Variants in ROBO1 observed in about 807,000 individuals in gnomAD.
ROBO1 encodes roundabout homolog 1.
Under a neutral mutation model 195.9 loss-of-function variants are expected in ROBO1, and 149 were observed. That is an observed-to-expected ratio of 0.76 (90% confidence interval 0.67 to 0.87). The LOEUF is 0.87. ROBO1 is among the 40% of genes least tolerant of loss of function. ROBO1 has a pLI of 0.00. For missense variants in ROBO1, 1,933 were observed against 2,068.3 expected, an observed-to-expected ratio of 0.93 and a Z score of 1.27; for synonymous variants, 816 against 733.2, an observed-to-expected ratio of 1.11 and a Z score of -1.82.
chr3:79,660,619 G>A (rs1382043451), intron 1 of ROBO1, among the ~76,000 whole-genome samples: 1 of 152,092 alleles, frequency 6.6e-6, no homozygotes, highest in African/African-American at 2.4e-5. Context: ...TGTTAAGAGA[G>A]TAGCTGATAA....
intron 2 of ROBO1, among the ~76,000 whole-genome samples, chr3:79,529,762 G>A (rs1941574841): frequency 6.6e-6 from 1 of 152,186 alleles, no homozygotes; most frequent in East Asian, 1.9e-4. Context: ...AAGATATACA[G>A]AGGGGACTAC....
chr3:78,699,376 C>T (rs1251043758), intron 8 of ROBO1, among the ~76,000 whole-genome samples: 2 of 144,300 alleles, frequency 1.4e-5, no homozygotes, highest in Admixed American at 1.4e-4. Flanking sequence ...ATGGGGAAAC[C>T]CCGTCTCTAC....
intron 2 of ROBO1, among the ~76,000 whole-genome samples, chr3:79,349,985 T>C (rs2035277190): frequency 6.6e-6 from 1 of 152,042 alleles, no homozygotes; most frequent in Non-Finnish European, 1.5e-5. Flanking sequence ...AAAGACACTA[T>C]TAAGAAAGTG....
intron 3 of ROBO1, among the ~76,000 whole-genome samples, chr3:78,940,031 T>C (rs2040048334): frequency 6.6e-6 from 1 of 152,304 alleles, no homozygotes. Flanking sequence ...TCCTATCTTA[T>C]TTCTGCTTAT....
At chr3:79,325,751 T>C (rs1203859756) in intron 2 of ROBO1, among the ~76,000 whole-genome samples, 1 of 152,130 alleles carries the variant, frequency 6.6e-6, no homozygotes, top group Admixed American at 6.5e-5. Flanking sequence ...TCTGCACAAA[T>C]TGTAGAGCAT....
At chr3:79,518,563 G>A (rs908318634) in intron 2 of ROBO1, among the ~76,000 whole-genome samples, 4 of 152,050 alleles carry the variant, frequency 2.6e-5, no homozygotes, top group African/African-American at 7.2e-5. Flanking sequence ...AGACCTAGGA[G>A]GATTGCTTTT....
intron 2 of ROBO1, among the ~76,000 whole-genome samples, chr3:79,214,741 T>C (rs1442685089): frequency 6.7e-6 from 1 of 148,782 alleles, no homozygotes; most frequent in South Asian, 2.1e-4. Context: ...GCTATATATA[T>C]ATATAGCATG....
At chr3:79,013,010 T>C (rs919580161) in intron 3 of ROBO1, among the ~76,000 whole-genome samples, 4 of 152,036 alleles carry the variant, frequency 2.6e-5, no homozygotes, top group African/African-American at 9.7e-5. Context: ...CATAAGCAGT[T>C]TCCAACCAGC....
intron 4 of ROBO1, among the ~76,000 whole-genome samples, chr3:78,855,065 T>C (rs1310471329): frequency 6.6e-6 from 1 of 151,926 alleles, no homozygotes; most frequent in African/African-American, 2.4e-5. Context: ...CTGAAGAGTA[T>C]GCCAATATAT....
At chr3:79,639,440 C>A (rs1292617918) in intron 1 of ROBO1, among the ~76,000 whole-genome samples, 4 of 151,988 alleles carry the variant, frequency 2.6e-5, no homozygotes, top group Non-Finnish European at 5.9e-5. Flanking sequence ...AGAACATTTT[C>A]TAGAATGGCC....
chr3:79,387,482 A>G (rs2036792569), intron 2 of ROBO1, among the ~76,000 whole-genome samples: 1 of 150,750 alleles, frequency 6.6e-6, no homozygotes, highest in African/African-American at 2.4e-5. Flanking sequence ...CAAATATAGT[A>G]CATATTGCAT....
At chr3:78,726,401 A>G (rs2082163071) in intron 5 of ROBO1, among the ~76,000 whole-genome samples, 1 of 152,230 alleles carries the variant, frequency 6.6e-6, no homozygotes, top group Non-Finnish European at 1.5e-5. Context: ...ATTGATTTAC[A>G]GTAGTAAGGG....
chr3:79,509,004 T>C (rs138775277), intron 2 of ROBO1, among the ~76,000 whole-genome samples: 37 of 152,348 alleles, frequency 2.4e-4, no homozygotes, highest in Non-Finnish European at 4.9e-4. Flanking sequence ...ATTAGCTTTT[T>C]TTCAAGGTAT....
At chr3:78,609,676 G>A (rs1213892680) in intron 28 of ROBO1, among the ~76,000 whole-genome samples, 1 of 152,034 alleles carries the variant, frequency 6.6e-6, no homozygotes, top group Non-Finnish European at 1.5e-5. Context: ...GAAATATTCT[G>A]GTTGTTTCCA....
intron 2 of ROBO1, among the ~76,000 whole-genome samples, chr3:79,300,760 C>G (rs1292569025): frequency 6.6e-6 from 1 of 152,068 alleles, no homozygotes; most frequent in Non-Finnish European, 1.5e-5. Context: ...GTATCTAGCT[C>G]AAGGTTTGTA....
At chr3:79,012,998 T>C (rs1034821137) in intron 3 of ROBO1, among the ~76,000 whole-genome samples, 2 of 152,210 alleles carry the variant, frequency 1.3e-5, no homozygotes, top group South Asian at 2.1e-4. Context: ...TTATTGGCTA[T>C]GCATAAGCAG....
intron 2 of ROBO1, among the ~76,000 whole-genome samples, chr3:79,221,282 A>G (rs2082133351): frequency 6.6e-6 from 1 of 152,082 alleles, no homozygotes; most frequent in Non-Finnish European, 1.5e-5. Flanking sequence ...TCATCCCCAT[A>G]ATGAAGGTAC....
intron 3 of ROBO1, among the ~76,000 whole-genome samples, chr3:78,964,637 G>A (rs2041580093): frequency 6.6e-6 from 1 of 152,042 alleles, no homozygotes. Context: ...AGAGCAGTGG[G>A]AAGAGACTCA....
At chr3:79,357,803 G>C (rs191360481) in intron 2 of ROBO1, among the ~76,000 whole-genome samples, 31 of 152,252 alleles carry the variant, frequency 2.0e-4, no homozygotes, top group Admixed American at 1.8e-3. Context: ...ACCTTCTCTA[G>C]TTGTGGAGCC....
Sources: allele counts gnomAD v4.1 joint callset (sites outside exome capture counted in the v4.1 genomes callset), GRCh38; gene constraint gnomAD v4.1.1; transcripts MANE v1.5; gene names NCBI Gene and HGNC (gene_info 2026-07-23, HGNC 2026-07-21).